The following SGCZ variants were observed in gnomAD, a reference collection of about 807,000 sequenced individuals.
SGCZ encodes the protein sarcoglycan zeta, also known as zeta-sarcoglycan.
Under a neutral mutation model 41.3 loss-of-function variants are expected in SGCZ, and 40 were observed. The observed-to-expected ratio is 0.97, with a 90% CI of 0.75 to 1.26. SGCZ has a LOEUF of 1.26. Among genes scored for constraint, SGCZ ranks in the 50% most tolerant of loss-of-function variants. SGCZ has a pLI of 0.00. For synonymous variants in SGCZ, 206 were observed against 137.5 expected, an observed-to-expected ratio of 1.50 and a Z score of -3.49; for missense variants, 552 against 369.8, an observed-to-expected ratio of 1.49 and a Z score of -4.04.
At chr8:15,145,330 G>C (rs952567058) in intron 1 of SGCZ, among the ~76,000 whole-genome samples, 6 of 152,178 alleles carry the variant, frequency 3.9e-5, no homozygotes, top group African/African-American at 1.4e-4. Flanking sequence ...AGGAGCTCAA[G>C]AGTTGTCAAT....
intron 1 of SGCZ, among the ~76,000 whole-genome samples, chr8:15,085,198 C>G (rs1017740128): frequency 6.6e-6 from 1 of 152,114 alleles, no homozygotes; most frequent in African/African-American, 2.4e-5. Flanking sequence ...TATTTAACAA[C>G]AAAATCCAAA....
At chr8:14,679,488 AATATATATACATATATATT>A (rs1563198196) in intron 1 of SGCZ, among the ~76,000 whole-genome samples, 1 of 143,756 alleles carries the variant, frequency 7.0e-6, no homozygotes. Flanking sequence ...TCAAAAAAGT[AATATATATACATATATATT>A]ATATATATAC....
intron 1 of SGCZ, among the ~76,000 whole-genome samples, chr8:15,156,811 G>A (rs1448536428): frequency 1.3e-5 from 2 of 151,986 alleles, no homozygotes; most frequent in Non-Finnish European, 2.9e-5. Context: ...GAGTGTGGTG[G>A]TGGATGCCTT....
At chr8:14,424,003 T>C (rs1280290335) in intron 2 of SGCZ, among the ~76,000 whole-genome samples, 1 of 152,162 alleles carries the variant, frequency 6.6e-6, no homozygotes, top group Non-Finnish European at 1.5e-5. Flanking sequence ...GTATATGAGT[T>C]ATTGTTGGGG....
At chr8:14,892,653 A>G (rs1001974605) in intron 1 of SGCZ, among the ~76,000 whole-genome samples, 1 of 152,196 alleles carries the variant, frequency 6.6e-6, no homozygotes, top group South Asian at 2.1e-4. Flanking sequence ...AAAAATAAGG[A>G]TTGTTTATAC....
intron 2 of SGCZ, among the ~76,000 whole-genome samples, chr8:14,427,597 C>G (rs754495202): frequency 6.6e-5 from 10 of 152,178 alleles, no homozygotes; most frequent in Non-Finnish European, 1.0e-4. Flanking sequence ...ACCCCTCCAT[C>G]TTTTGAGGCT....
intron 4 of SGCZ, among the ~76,000 whole-genome samples, chr8:14,178,637 T>C (rs1195220388): frequency 6.6e-6 from 1 of 152,220 alleles, no homozygotes; most frequent in Non-Finnish European, 1.5e-5. Context: ...CCAGCAAAGA[T>C]GCCCATGTGT....
chr8:15,132,294 G>C (rs1276122618), intron 1 of SGCZ, among the ~76,000 whole-genome samples: 1 of 152,204 alleles, frequency 6.6e-6, no homozygotes, highest in African/African-American at 2.4e-5. Context: ...CTTGCCTGTA[G>C]ACACTGTGTA....
At chr8:14,542,260 T>C (rs1439960570) in intron 2 of SGCZ, among the ~76,000 whole-genome samples, 1 of 152,116 alleles carries the variant, frequency 6.6e-6, no homozygotes, top group Admixed American at 6.6e-5. Context: ...TTTTTATAGT[T>C]TTCTTTCTAA....
chr8:14,546,242 G>A (rs943230440), intron 2 of SGCZ, among the ~76,000 whole-genome samples: 3 of 152,112 alleles, frequency 2.0e-5, no homozygotes, highest in Non-Finnish European at 2.9e-5. Context: ...GCCCTAGAAG[G>A]TGGAGCCCTG....
intron 2 of SGCZ, among the ~76,000 whole-genome samples, chr8:14,480,646 C>CA (rs1370747687): frequency 6.6e-6 from 1 of 151,986 alleles, no homozygotes; most frequent in African/African-American, 2.4e-5. Flanking sequence ...TCTAACCTTA[C>CA]AAAAAACTTA....
intron 2 of SGCZ, among the ~76,000 whole-genome samples, chr8:14,484,255 G>T (rs1801612731): frequency 6.6e-6 from 1 of 152,056 alleles, no homozygotes; most frequent in Non-Finnish European, 1.5e-5. Flanking sequence ...ATCATAGTTT[G>T]CTATTAGTAT....
chr8:15,097,935 T>C (rs1806449480), intron 1 of SGCZ, among the ~76,000 whole-genome samples: 1 of 145,142 alleles, frequency 6.9e-6, no homozygotes, highest in Non-Finnish European at 1.5e-5. Flanking sequence ...TATATATACA[T>C]ACATACACCA....
chr8:14,283,461 G>A (rs1026920120), intron 3 of SGCZ, among the ~76,000 whole-genome samples: 18 of 151,722 alleles, frequency 1.2e-4, no homozygotes, highest in African/African-American at 4.1e-4. Context: ...GTCATTATCC[G>A]TATGTGCTCT....
At chr8:14,452,569 T>G (rs10094152) in intron 2 of SGCZ, among the ~76,000 whole-genome samples, 82,531 of 151,772 alleles carry the variant, frequency 0.54, 23,300 homozygotes, top group African/African-American at 0.69. Flanking sequence ...AGTAGTTTTA[T>G]CTTTAAAGAT....
At chr8:14,108,719 G>T (rs147717637) in intron 5 of SGCZ, among the ~76,000 whole-genome samples, 3 of 152,248 alleles carry the variant, frequency 2.0e-5, no homozygotes, top group Non-Finnish European at 2.9e-5. Context: ...CACAGGATAT[G>T]AATGAGAAGA....
chr8:14,898,058 G>A (rs1338233031), intron 1 of SGCZ, among the ~76,000 whole-genome samples: 2 of 151,730 alleles, frequency 1.3e-5, no homozygotes, highest in Admixed American at 6.6e-5. Flanking sequence ...GTTTATACTG[G>A]GCCATCCAAT....
chr8:14,172,487 C>T (rs906821687), intron 4 of SGCZ, among the ~76,000 whole-genome samples: 2 of 152,136 alleles, frequency 1.3e-5, no homozygotes, highest in African/African-American at 4.8e-5. Context: ...ACAGCACGAA[C>T]GGCGCCATGC....
chr8:14,618,715 T>A (rs997253258), intron 1 of SGCZ, among the ~76,000 whole-genome samples: 3 of 152,130 alleles, frequency 2.0e-5, no homozygotes, highest in Non-Finnish European at 4.4e-5. Context: ...GTTAAAGTAA[T>A]TCAGGAAACA....
Sources: allele counts gnomAD v4.1 joint callset (sites outside exome capture counted in the v4.1 genomes callset), GRCh38; gene constraint gnomAD v4.1.1; transcripts MANE v1.5; gene names NCBI Gene and HGNC (gene_info 2026-07-23, HGNC 2026-07-21).